Variants in LMX1B observed in about 807,000 individuals in gnomAD.
LMX1B encodes the protein LIM homeobox transcription factor 1-beta.
Under a neutral mutation model 51.4 loss-of-function variants are expected in LMX1B, and 12 were observed. The observed-to-expected ratio is 0.23, with a 90% CI of 0.15 to 0.38. The LOEUF (loss-of-function observed/expected upper bound fraction) is 0.38, where lower values mean the gene tolerates loss of function less well. Among genes scored for constraint, LMX1B ranks in the 10% least tolerant of loss-of-function variants. The pLI, the probability that LMX1B is intolerant of heterozygous loss-of-function variation, is 1.00. For missense variants in LMX1B, 445 were observed against 571.1 expected, an observed-to-expected ratio of 0.78 and a Z score of 2.25; for synonymous variants, 237 against 235.4, an observed-to-expected ratio of 1.01 and a Z score of -0.06.
At chr9:126,656,170 C>T (rs1373667201) in intron 2 of LMX1B, among the ~76,000 whole-genome samples, 1 of 152,012 alleles carries the variant, frequency 6.6e-6, no homozygotes, top group African/African-American at 2.4e-5. Context: ...TATATTTTTA[C>T]CAAATTTATT....
intron 2 of LMX1B, among the ~76,000 whole-genome samples, chr9:126,637,999 G>A (rs553189620): frequency 9.9e-4 from 151 of 152,054 alleles, no homozygotes; most frequent in Non-Finnish European, 1.8e-3. Flanking sequence ...CACTCCTCCC[G>A]CTCCGCAGCC....
chr9:126,617,033 C>T (rs145831705), intron 2 of LMX1B, among the ~76,000 whole-genome samples: 8 of 152,298 alleles, frequency 5.3e-5, no homozygotes, highest in East Asian at 1.9e-4. Flanking sequence ...GGCACACTGC[C>T]GTAGGTCGGC....
At chr9:126,696,195 T>A in intron 7 of LMX1B, 99 bp from the exon 8 acceptor site, 1 of 1,299,504 alleles carries the variant, frequency 7.7e-7, no homozygotes, top group Non-Finnish European at 1.1e-6. Context: ...GGCCATCCTG[T>A]CTCTCCCTGG....
rs752573558 is a variant in LMX1B, at chr9:126,693,274, G to A, written c.692G>A (p.Arg231Gln). Residue 231 changes from arginine (R) to glutamine (Q), a missense_variant, in exon 4 of 8, where the codon CGA (arginine) becomes CAA (glutamine). Physicochemically the swap from Arg to Gln is conservative, Grantham distance 43. This residue lies in a region of LMX1B where 273 missense variants were observed against 343.3 expected (regional missense o/e 0.80). Coordinates refer to ENST00000373474, the MANE Select transcript of LMX1B (RefSeq NM_001174147.2). The stretch of plus-strand genomic sequence containing the variant: ...CGGACCATCCTCACCACGCAGCAGC[G>A]AAGAGCCTTCAAGGCCTCCTTCGAG... ...RPRTILTTQQRRAFKASFEVS... is the reference protein window; with the variant it reads ...RPRTILTTQQQRAFKASFEVS... The A allele has an allele frequency of 7.4e-6, 12 of 1,611,422 alleles. No individual in the cohort carries two copies. The highest frequency in any genetic ancestry group is 8.5e-6 in the Non-Finnish European group (10 of 1,179,200).
rs186272853 is a variant in LMX1B at position 126,660,513 on chromosome 9, T to G, written c.327-30323T>G. Among the ~76,000 whole-genome samples the G allele has an allele frequency of 1.3e-3, 194 of 152,328 alleles. 4 individuals are homozygous for G. In the South Asian group the frequency reaches 0.024, roughly 19 times the overall value. ...CCCCAGCTCGACTACTGTGAGACTT[T>G]GGACAAGACACTTACCCTCTTTGTG... On this transcript the variant is annotated intron_variant, in intron 2 of 7. Transcript: ENST00000373474.
rs1357558879 is a variant in LMX1B, at chr9:126,699,527, G to A, written c.*3076G>A. 6.6e-6 allele frequency: 1 copy of A among 152,454 alleles called. No individual in the cohort carries two copies. The highest frequency in any genetic ancestry group is 1.9e-4 in the East Asian group (1 of 5,178). The allele number at this position is 152,454 out of a possible 1,614,324, so 9.4% of individuals were successfully genotyped here. A position where few individuals can be genotyped will look rare whatever the true frequency, so the allele number is the denominator to read the frequency against. Reference sequence around the variant, plus strand: ...TTATGCTGGAGGCGCCCTGTCAGCCGTGGCTAGGGGCCCCTTGCTCTATGC... The same window carrying A: ...TTATGCTGGAGGCGCCCTGTCAGCCATGGCTAGGGGCCCCTTGCTCTATGC... On this transcript the variant is annotated 3_prime_UTR_variant, in exon 8 of 8. Coordinates refer to ENST00000373474, the MANE Select transcript of LMX1B (RefSeq NM_001174147.2).
chr9:126,632,486 C>T (rs1431581771), intron 2 of LMX1B, among the ~76,000 whole-genome samples: 2 of 151,950 alleles, frequency 1.3e-5, no homozygotes, highest in Non-Finnish European at 2.9e-5. Context: ...TGTGCTCGGG[C>T]GTTTGGATTT....
intron 6 of LMX1B, among the ~76,000 whole-genome samples, chr9:126,694,724 T>G (rs1055909998): frequency 3.3e-5 from 5 of 152,194 alleles, no homozygotes; most frequent in African/African-American, 1.2e-4. Flanking sequence ...TGGCTTCTAA[T>G]GACACAGCCT....
chr9:126,653,142 C>CTTTTTTTT (rs5900715), intron 2 of LMX1B, among the ~76,000 whole-genome samples: 4 of 55,362 alleles, frequency 7.2e-5, no homozygotes, highest in African/African-American at 2.2e-4. Flanking sequence ...CAAGTAGATG[C>CTTTTTTTT]TTTTTTTTTT....
At chr9:126,664,837 C>T (rs2417026) in intron 2 of LMX1B, among the ~76,000 whole-genome samples, 152,042 of 152,348 alleles carry the variant, frequency 1, 75,869 homozygotes, top group Middle Eastern at 1. Context: ...ATCACGCCAT[C>T]GCAGTCCAGC....
Position 126,695,773 on chromosome 9 carries a change from GGCT to G in LMX1B, c.887-61_887-59del. On this transcript the variant is annotated intron_variant, in intron 6 of 7. Transcript: ENST00000373474. This position sits in a 1 kb window ranked among gnomAD's most constrained non-coding sequence, Gnocchi z 5.2. ...GAGTCCCAAGGAGATCAGAAGGGGAGGCTGCTGGGGTGTAGCTGGGAGGGCGTG... is the reference window on the plus strand; with the variant it reads ...GAGTCCCAAGGAGATCAGAAGGGGAGGCTGGGGTGTAGCTGGGAGGGCGTG... 1 of 1,579,792 alleles carries G rather than the reference GGCT, an allele frequency of 6.3e-7. No homozygotes were observed.
intron 2 of LMX1B, among the ~76,000 whole-genome samples, chr9:126,660,850 G>A (rs1374227108): frequency 6.6e-6 from 1 of 152,150 alleles, no homozygotes; most frequent in African/African-American, 2.4e-5. Context: ...TGTGGTTCTT[G>A]GGTTGGACTC....
rs199754710 is a variant in LMX1B at position 126,670,443 on chromosome 9, CAT to C, written c.327-20390_327-20389del. On this transcript the variant is annotated intron_variant, in intron 2 of 7. Transcript: ENST00000373474. The stretch of plus-strand genomic sequence containing the variant: ...TGAGTGTATGTGGCCAGTATGTGTG[CAT>C]ATGGGTGCAGACGCGCTCAGATTTG... Among the ~76,000 whole-genome samples, 245 of 152,326 alleles carry C rather than the reference CAT, an allele frequency of 1.6e-3. 4 individuals carry two copies. The highest frequency in any genetic ancestry group is 5.7e-3 in the African/African-American group (237 of 41,568).
chr9:126,693,465 C>A (rs914630502), intron 4 of LMX1B, 59 bp from the exon 5 acceptor site: 1 of 1,586,576 alleles, frequency 6.3e-7, no homozygotes, highest in Non-Finnish European at 8.6e-7. Context: ...CCCCTAAACC[C>A]ACCATCTCCC....
Position 126,631,123 on chromosome 9 carries a change from G to A in LMX1B, c.326+15554G>A, listed in dbSNP as rs189629626. ...GATGTCAGCCTGATAAGTGAGCAGC[G>A]ACAGACCCCTGGAGGAGGATGGAGC... is the stretch of plus-strand genomic sequence containing the variant. On this transcript the variant is annotated intron_variant, in intron 2 of 7. Transcript: ENST00000373474. 1.4e-3 allele frequency among the ~76,000 whole-genome samples: 218 copies of A among 152,372 alleles called. 2 individuals are homozygous for A. The highest frequency in any genetic ancestry group is 5.0e-3 in the African/African-American group (208 of 41,594).
intron 2 of LMX1B, among the ~76,000 whole-genome samples, chr9:126,619,458 C>T (rs1027748303): frequency 6.6e-6 from 1 of 152,186 alleles, no homozygotes; most frequent in Non-Finnish European, 1.5e-5. Flanking sequence ...AACCAGCGAG[C>T]CCCCCTGCCC....
chr9:126,670,763 G>A (rs534612723), intron 2 of LMX1B, among the ~76,000 whole-genome samples: 24 of 152,316 alleles, frequency 1.6e-4, no homozygotes, highest in Admixed American at 1.4e-3. Flanking sequence ...GACATTAAGC[G>A]AAACCACAGA....
chr9:126,625,666 C>T lies in LMX1B; in HGVS notation c.326+10097C>T, dbSNP rs1401637154. 1.3e-5 allele frequency among the ~76,000 whole-genome samples: 2 copies of T among 152,222 alleles called. No individual in the cohort carries two copies. Among genetic ancestry groups the T allele is most frequent in the Non-Finnish European group, 1.5e-5 (1 of 68,042 alleles). ...CCTTTGTTCCACCCCCACGGAAACCCTCTTCTCCGCCAGGCCCGTGGCGCC... is the reference window on the plus strand; with the variant it reads ...CCTTTGTTCCACCCCCACGGAAACCTTCTTCTCCGCCAGGCCCGTGGCGCC... On this transcript the variant is annotated intron_variant, in intron 2 of 7. Transcript: ENST00000373474. The surrounding 1 kb of genome is among the most constrained non-coding windows in gnomAD (Gnocchi z 5.3).
At chr9:126,638,771 G>A (rs1835759980) in intron 2 of LMX1B, among the ~76,000 whole-genome samples, 1 of 152,124 alleles carries the variant, frequency 6.6e-6, no homozygotes, top group African/African-American at 2.4e-5. Flanking sequence ...AAATTAACAC[G>A]GGCCGGCGGC....
Sources: gnomAD v4.1 joint callset for allele counts (sites outside exome capture counted in the v4.1 genomes callset) on GRCh38, gnomAD v4.1.1 for gene constraint, gnomAD v4.1.1 regional missense constraint, Gnocchi (gnomAD v3.1) non-coding constraint, MANE v1.5 for transcripts, NCBI Gene and HGNC (gene_info 2026-07-23, HGNC 2026-07-21) for gene names.